MEI4: variants seen among roughly 807,000 people sequenced by gnomAD.
The protein encoded by MEI4 is meiosis-specific protein MEI4.
A neutral mutation model predicts 31.4 loss-of-function variants in MEI4; 27 were observed. The observed-to-expected ratio is 0.86, with a 90% CI of 0.63 to 1.19. The LOEUF is 1.19. Ranked by LOEUF, MEI4 falls within the 50% of genes most tolerant of loss-of-function variation. The pLI, the probability that MEI4 is intolerant of heterozygous loss-of-function variation, is 0.00. For synonymous variants in MEI4, 122 were observed against 145.4 expected, an observed-to-expected ratio of 0.84 and a Z score of 1.16; for missense variants, 329 against 398.9, an observed-to-expected ratio of 0.82 and a Z score of 1.49.
At chr6:77,883,717 G>GATAGATAGATATATATAT (rs1554172067) in intron 4 of MEI4, among the ~76,000 whole-genome samples, 11 of 43,324 alleles carry the variant, frequency 2.5e-4, no homozygotes, top group African/African-American at 1.7e-3. Context: ...TATTATGTAA[G>GATAGATAGATATATATAT]ATATATATAT....
intron 1 of MEI4, among the ~76,000 whole-genome samples, chr6:77,678,806 A>G (rs1190099478): frequency 6.6e-6 from 1 of 152,188 alleles, no homozygotes; most frequent in Non-Finnish European, 1.5e-5. Flanking sequence ...GTACAGGTCC[A>G]TGCATTTTAT....
At chr6:77,801,715 C>G (rs1769265756) in intron 3 of MEI4, among the ~76,000 whole-genome samples, 1 of 152,050 alleles carries the variant, frequency 6.6e-6, no homozygotes, top group Non-Finnish European at 1.5e-5. Context: ...TTTATTTCTG[C>G]CTTCATTTTG....
intron 3 of MEI4, among the ~76,000 whole-genome samples, chr6:77,797,100 T>C (rs1769099333): frequency 6.6e-6 from 1 of 152,206 alleles, no homozygotes; most frequent in Admixed American, 6.5e-5. Flanking sequence ...AAGGATAGTC[T>C]CTTTAATAAA....
At chr6:77,667,996 G>C (rs1306835965) in intron 1 of MEI4, among the ~76,000 whole-genome samples, 1 of 141,396 alleles carries the variant, frequency 7.1e-6, no homozygotes, top group South Asian at 2.3e-4. Flanking sequence ...TCTCCATTGT[G>C]ACAGTCTGAA....
chr6:77,851,877 G>A (rs1191875234), intron 4 of MEI4, among the ~76,000 whole-genome samples: 3 of 152,020 alleles, frequency 2.0e-5, no homozygotes, highest in Non-Finnish European at 4.4e-5. Context: ...AGTCTTTAAT[G>A]ACCTAGACAT....
At chr6:77,815,583 G>A (rs1225275092) in intron 3 of MEI4, among the ~76,000 whole-genome samples, 1 of 152,008 alleles carries the variant, frequency 6.6e-6, no homozygotes, top group Non-Finnish European at 1.5e-5. Flanking sequence ...TTGATAAGGT[G>A]TTGGATGATA....
chr6:77,709,055 A>G (rs907900261), intron 2 of MEI4, among the ~76,000 whole-genome samples: 1 of 152,158 alleles, frequency 6.6e-6, no homozygotes, highest in African/African-American at 2.4e-5. Flanking sequence ...TTCTGCCTCT[A>G]TGGCATTATT....
rs542751411 is a variant in MEI4, at chr6:77,926,518, C to G, written c.*3172C>G. On this transcript the variant is annotated 3_prime_UTR_variant, in exon 5 of 5. Coordinates refer to ENST00000684080, the MANE Select transcript of MEI4 (RefSeq NM_001322247.2). ...ATACGATTATCTCACAGGCCTTGTA[C>G]TTTTTAATGGTATTTGTTGTCTTTT... 5 of 151,910 alleles carry G rather than the reference C, an allele frequency of 3.3e-5. No homozygotes were observed. The highest frequency in any genetic ancestry group is 3.4e-3 in the Middle Eastern group (1 of 294). 9.4% of individuals were successfully genotyped at this position (151,910 alleles called of 1,614,324 possible). A position where few individuals can be genotyped will look rare whatever the true frequency, so the allele number is the denominator to read the frequency against.
chr6:77,867,357 T>C (rs897935861), intron 4 of MEI4, among the ~76,000 whole-genome samples: 1 of 152,088 alleles, frequency 6.6e-6, no homozygotes, highest in East Asian at 1.9e-4. Context: ...GAATCTACAA[T>C]GAACTCAAAC....
At chr6:77,878,668 TA>T (rs1488069375) in intron 4 of MEI4, among the ~76,000 whole-genome samples, 1 of 152,134 alleles carries the variant, frequency 6.6e-6, no homozygotes, top group African/African-American at 2.4e-5. Flanking sequence ...TTGTTTTCTT[TA>T]TTTTTTTAAT....
Position 77,713,805 on chromosome 6 carries a change from A to G in MEI4, c.232+22902A>G, listed in dbSNP as rs1174342568. On this transcript the variant is annotated intron_variant, in intron 2 of 4. Coordinates refer to ENST00000684080, the MANE Select transcript of MEI4 (RefSeq NM_001322247.2). ...TTTTCAGTGTTCTTCCCCTTCCACAATGAGCTTTGTGATTTCTGTCATCTG... is the reference window on the plus strand; with the variant it reads ...TTTTCAGTGTTCTTCCCCTTCCACAGTGAGCTTTGTGATTTCTGTCATCTG... Among the ~76,000 whole-genome samples, 9 of 152,282 alleles carry G rather than the reference A, an allele frequency of 5.9e-5. No individual in the cohort carries two copies. In the East Asian group the frequency reaches 1.7e-3, roughly 29 times the overall value.
At position 77,917,872 on chromosome 6, in the gene MEI4, G is replaced by A. The variant is rs540164313; in HGVS notation, c.901-5217G>A. Among the ~76,000 whole-genome samples the A allele has an allele frequency of 1.7e-3, 256 of 147,832 alleles. 2 individuals are homozygous for A. The Middle Eastern group carries it at 0.024, about 14-fold the overall frequency. ...CTATGTCCTGAATGGTAATGCCTAG[G>A]TTTTCTTCTAGGGTTTTTATGGTTT... is the stretch of plus-strand genomic sequence containing the variant. On this transcript the variant is annotated intron_variant, in intron 4 of 4. Coordinates refer to ENST00000684080, the MANE Select transcript of MEI4 (RefSeq NM_001322247.2).
intron 3 of MEI4, among the ~76,000 whole-genome samples, chr6:77,812,745 C>T (rs1769604548): frequency 6.6e-6 from 1 of 151,968 alleles, no homozygotes; most frequent in Non-Finnish European, 1.5e-5. Flanking sequence ...TGCAGTAATG[C>T]CTATTCATTA....
chr6:77,702,294 A>C (rs914922692), intron 2 of MEI4, among the ~76,000 whole-genome samples: 1 of 152,366 alleles, frequency 6.6e-6, no homozygotes, highest in Admixed American at 6.5e-5. Flanking sequence ...AGCATTTATA[A>C]GTTGGGGCAT....
At chr6:77,845,132 A>C (rs1770451354) in intron 4 of MEI4, among the ~76,000 whole-genome samples, 1 of 152,078 alleles carries the variant, frequency 6.6e-6, no homozygotes, top group Non-Finnish European at 1.5e-5. Flanking sequence ...CAGCTTTAAA[A>C]TTTCACATTG....
intron 2 of MEI4, among the ~76,000 whole-genome samples, chr6:77,704,730 A>G (rs546057864): frequency 3.9e-5 from 6 of 152,200 alleles, no homozygotes; most frequent in Non-Finnish European, 8.8e-5. Flanking sequence ...CAGGGAGCAT[A>G]ATAAAAAAAT....
intron 4 of MEI4, among the ~76,000 whole-genome samples, chr6:77,840,190 A>G (rs1770325370): frequency 6.6e-6 from 1 of 152,222 alleles, no homozygotes; most frequent in Admixed American, 6.5e-5. Context: ...AGTAAACGTT[A>G]GAACTGAAAA....
At chr6:77,783,937 CAATTAT>C in intron 3 of MEI4, among the ~76,000 whole-genome samples, 1 of 95,664 alleles carries the variant, frequency 1.0e-5, no homozygotes, top group East Asian at 3.7e-4. Context: ...GAATATATAG[CAATTAT>C]AGCAATTATA....
At chr6:77,840,615 T>G (rs981569201) in intron 4 of MEI4, among the ~76,000 whole-genome samples, 1 of 152,190 alleles carries the variant, frequency 6.6e-6, no homozygotes, top group South Asian at 2.1e-4. Context: ...AAATTTTTAA[T>G]GATCTTTTAA....
Sources: allele counts gnomAD v4.1 joint callset (sites outside exome capture counted in the v4.1 genomes callset), GRCh38; gene constraint gnomAD v4.1.1; transcripts MANE v1.5; gene names NCBI Gene and HGNC (gene_info 2026-07-23, HGNC 2026-07-21).